Variants in TMPRSS11E observed in about 807,000 individuals in gnomAD.
TMPRSS11E encodes transmembrane protease serine 11E.
Under a neutral mutation model 48.1 loss-of-function variants are expected in TMPRSS11E, and 38 were observed. That is an observed-to-expected ratio of 0.79 (90% confidence interval 0.61 to 1.04). The LOEUF is 1.04. Ranked by LOEUF, TMPRSS11E falls within the 50% of genes least tolerant of loss-of-function variation. TMPRSS11E has a pLI of 0.00. For missense variants in TMPRSS11E, 530 were observed against 510.8 expected, an observed-to-expected ratio of 1.04 and a Z score of -0.36; for synonymous variants, 158 against 171.9, an observed-to-expected ratio of 0.92 and a Z score of 0.63.
chr4:68,467,233 C>T (rs1728952423), intron 3 of TMPRSS11E, among the ~76,000 whole-genome samples: 1 of 151,988 alleles, frequency 6.6e-6, no homozygotes, highest in South Asian at 2.1e-4. Flanking sequence ...GCAACTCTAC[C>T]CAGTTTTTAA....
chr4:68,469,050 A>G, intron 4 of TMPRSS11E, 104 bp downstream of exon 4: 1 of 953,396 alleles, frequency 1.0e-6, no homozygotes, highest in South Asian at 1.4e-5. Flanking sequence ...TCAATCCAAC[A>G]AACATTTGAC....
intron 9 of TMPRSS11E, among the ~76,000 whole-genome samples, chr4:68,487,812 G>T (rs549949336): frequency 5.9e-5 from 9 of 151,864 alleles, no homozygotes; most frequent in Admixed American, 2.0e-4. Context: ...ATGCTAATGG[G>T]CGCCTGTAAT....
chr4:68,482,726 C>T (rs766741101), intron 9 of TMPRSS11E, among the ~76,000 whole-genome samples: 3 of 151,102 alleles, frequency 2.0e-5, no homozygotes, highest in Non-Finnish European at 4.4e-5. Flanking sequence ...GAGCTGTGAT[C>T]GCACCACTGC....
At chr4:68,470,702 A>G (rs571207125) in intron 4 of TMPRSS11E, among the ~76,000 whole-genome samples, 1 of 151,888 alleles carries the variant, frequency 6.6e-6, no homozygotes, top group Non-Finnish European at 1.5e-5. Context: ...GAAGAGTTAG[A>G]TTCAGAAGTG....
At chr4:68,470,099 C>G (rs1729022555) in intron 4 of TMPRSS11E, among the ~76,000 whole-genome samples, 1 of 151,608 alleles carries the variant, frequency 6.6e-6, no homozygotes, top group Non-Finnish European at 1.5e-5. Flanking sequence ...ACCATATGAA[C>G]CTGAAAAATG....
At chr4:68,449,883 C>T (rs1451774718) in intron 1 of TMPRSS11E, among the ~76,000 whole-genome samples, 1 of 151,580 alleles carries the variant, frequency 6.6e-6, no homozygotes, top group Non-Finnish European at 1.5e-5. Flanking sequence ...GAAGAGTACT[C>T]ATTTATGCAA....
chr4:68,478,152 T>TTG (rs1729287057), intron 8 of TMPRSS11E, among the ~76,000 whole-genome samples: 1 of 148,166 alleles, frequency 6.7e-6, no homozygotes, highest in African/African-American at 2.5e-5. Flanking sequence ...TCACTATCTT[T>TTG]TTTTTTTTTT....
chr4:68,485,695 G>T (rs539594306), intron 9 of TMPRSS11E, among the ~76,000 whole-genome samples: 1 of 152,100 alleles, frequency 6.6e-6, no homozygotes, highest in Non-Finnish European at 1.5e-5. Context: ...TCTTTTTCTA[G>T]AATTTTGGGA....
chr4:68,465,234 G>C (rs868117302), intron 2 of TMPRSS11E, among the ~76,000 whole-genome samples: 2 of 152,152 alleles, frequency 1.3e-5, no homozygotes, highest in Non-Finnish European at 2.9e-5. Flanking sequence ...GTACTCTGGT[G>C]ACTCAACTTT....
At chr4:68,483,317 G>A (rs906889267) in intron 9 of TMPRSS11E, among the ~76,000 whole-genome samples, 1 of 152,138 alleles carries the variant, frequency 6.6e-6, no homozygotes, top group African/African-American at 2.4e-5. Context: ...CAGTTCACTT[G>A]CTATCGCAAA....
chr4:68,495,730 G>A (rs1480508185), intron 9 of TMPRSS11E, among the ~76,000 whole-genome samples: 1 of 152,138 alleles, frequency 6.6e-6, no homozygotes, highest in Non-Finnish European at 1.5e-5. Flanking sequence ...TTCGGGGTCT[G>A]CCACTGATTA....
At chr4:68,473,459 C>T (rs62317860) in intron 5 of TMPRSS11E, among the ~76,000 whole-genome samples, 41,547 of 151,936 alleles carry the variant, frequency 0.27, 6,365 homozygotes, top group Middle Eastern at 0.44. Flanking sequence ...ATTGTGGGTC[C>T]ACTAGAATTC....
chr4:68,487,712 G>A (rs1729598681), intron 9 of TMPRSS11E, among the ~76,000 whole-genome samples: 1 of 151,856 alleles, frequency 6.6e-6, no homozygotes, highest in African/African-American at 2.4e-5. Flanking sequence ...ATTCTTGATT[G>A]GAATTTTTTT....
chr4:68,456,677 C>T (rs758247417), intron 1 of TMPRSS11E, among the ~76,000 whole-genome samples: 2 of 151,970 alleles, frequency 1.3e-5, no homozygotes, highest in Non-Finnish European at 2.9e-5. Flanking sequence ...AGCTAAGCTA[C>T]GGTCAAATAC....
intron 2 of TMPRSS11E, among the ~76,000 whole-genome samples, chr4:68,463,592 T>C (rs1728851632): frequency 6.6e-6 from 1 of 152,192 alleles, no homozygotes; most frequent in Admixed American, 6.6e-5. Flanking sequence ...CATAAGCCAC[T>C]GTGCTGGGAC....
chr4:68,466,303 A>G (rs1017469659), intron 2 of TMPRSS11E, among the ~76,000 whole-genome samples: 1 of 152,202 alleles, frequency 6.6e-6, no homozygotes, highest in African/African-American at 2.4e-5. Context: ...TTGTATGCTC[A>G]GATGGCATGA....
intron 1 of TMPRSS11E, among the ~76,000 whole-genome samples, chr4:68,448,554 A>G (rs1332067630): frequency 6.6e-6 from 1 of 151,956 alleles, no homozygotes; most frequent in Admixed American, 6.6e-5. Context: ...TAAACTTAAC[A>G]TACTAAATAG....
At chr4:68,460,306 T>TG (rs1728753787) in intron 1 of TMPRSS11E, among the ~76,000 whole-genome samples, 2 of 152,210 alleles carry the variant, frequency 1.3e-5, no homozygotes, top group Admixed American at 1.3e-4. Flanking sequence ...TTCCTGATCC[T>TG]ATATCATCAG....
intron 5 of TMPRSS11E, 82 bp from the exon 6 acceptor site, chr4:68,474,641 C>G (rs1260071071): frequency 7.8e-7 from 1 of 1,274,750 alleles, no homozygotes; most frequent in Non-Finnish European, 1.1e-6. Flanking sequence ...TAAAATTAAG[C>G]AGCCTTTTAG....
Sources: allele counts gnomAD v4.1 joint callset (sites outside exome capture counted in the v4.1 genomes callset), GRCh38; gene constraint gnomAD v4.1.1; transcripts MANE v1.5; gene names NCBI Gene and HGNC (gene_info 2026-07-23, HGNC 2026-07-21).